GRTP1: variants seen among roughly 807,000 people sequenced by gnomAD.
The protein encoded by GRTP1 is growth hormone regulated TBC protein 1.
Under a neutral mutation model 38.1 loss-of-function variants are expected in GRTP1, and 56 were observed. The observed-to-expected ratio is 1.47, with a 90% confidence interval of 1.19 to 1.84. The LOEUF (loss-of-function observed/expected upper bound fraction) is 1.84. Ranked by LOEUF, GRTP1 falls within the 40% of genes most tolerant of loss-of-function variation. The probability of loss-of-function intolerance (pLI) is 0.00; values close to 1 mark genes in which losing one functional copy is unlikely to be tolerated. For synonymous variants in GRTP1, 217 were observed against 189.5 expected, an observed-to-expected ratio of 1.14 and a Z score of -1.19; for missense variants, 506 against 453.9, an observed-to-expected ratio of 1.11 and a Z score of -1.04.
At position 113,348,099 on chromosome 13, in the gene GRTP1, C is replaced by G. The variant is rs2043201631; in HGVS notation, c.465+2750G>C. Among the ~76,000 whole-genome samples the G allele has an allele frequency of 6.6e-6, 1 of 152,150 alleles. No individual in the cohort carries two copies. On this transcript the variant is annotated intron_variant, in intron 4 of 7. Coordinates refer to ENST00000375431, the MANE Select transcript of GRTP1 (RefSeq NM_024719.4). The surrounding 1 kb of genome is among the most constrained non-coding windows in gnomAD (Gnocchi z 4.8). ...CTTTGAGTGGACAGTGCTACTGGAC[C>G]TGGGAGAGGGCGACCATGTGGACAG...
chr13:113,328,112 C>T (rs1214735178), intron 5 of GRTP1, among the ~76,000 whole-genome samples: 2 of 152,208 alleles, frequency 1.3e-5, no homozygotes, highest in South Asian at 2.1e-4. Context: ...CAGGCTGAGG[C>T]GCAGGCACTG....
rs1180206283 is a variant in GRTP1 at position 113,363,744 on chromosome 13, T to C, written c.181+18A>G. The C allele has an allele frequency of 6.5e-7, 1 of 1,534,750 alleles. No homozygotes were observed. Among genetic ancestry groups the C allele is most frequent in the Non-Finnish European group, 8.8e-7 (1 of 1,132,472 alleles). On this transcript the variant is annotated intron_variant, in intron 2 of 7. Transcript: ENST00000375431. ...CCCACCTGCGCCCTCGGGACCCACC[T>C]GCGCCCCCGGGACCCACCTGTCCGG... is the stretch of plus-strand genomic sequence containing the variant.
chr13:113,354,872 G>A (rs2043353094), intron 3 of GRTP1, among the ~76,000 whole-genome samples: 1 of 152,162 alleles, frequency 6.6e-6, no homozygotes, highest in African/African-American at 2.4e-5. Flanking sequence ...TGAGAGCCAG[G>A]GACCCTATGG....
At chr13:113,347,471 C>T (rs76468602) in intron 4 of GRTP1, among the ~76,000 whole-genome samples, 100 of 61,122 alleles carry the variant, frequency 1.6e-3, no homozygotes, top group East Asian at 2.6e-3. Flanking sequence ...TCTCTGTGGC[C>T]GAGAGCAGAC....
intron 5 of GRTP1, among the ~76,000 whole-genome samples, chr13:113,336,432 G>A (rs184779610): frequency 2.0e-5 from 3 of 151,964 alleles, no homozygotes; most frequent in Admixed American, 6.6e-5. Flanking sequence ...AAGTGCCCTC[G>A]GTGTGCCGAG....
chr13:113,330,035 A>G (rs893347229), intron 5 of GRTP1, among the ~76,000 whole-genome samples: 12 of 149,526 alleles, frequency 8.0e-5, no homozygotes, highest in Admixed American at 1.3e-4. Flanking sequence ...ATGGAAACCC[A>G]GGTGCCTGCA....
chr13:113,355,205 C>G, intron 3 of GRTP1, 118 bp downstream of exon 3: 1 of 982,486 alleles, frequency 1.0e-6, no homozygotes. Flanking sequence ...GACGTAACTT[C>G]AAGTTAAAAG....
rs1033126207 is a variant in GRTP1, at chr13:113,343,363, G to A, written c.562+1500C>T. Among the ~76,000 whole-genome samples, 11 of 152,162 alleles carry A rather than the reference G, an allele frequency of 7.2e-5. No individual in the cohort carries two copies. The highest frequency in any genetic ancestry group is 2.7e-4 in the African/African-American group (11 of 41,438). ...TGCACTGGGTCCCTGGGCCCCAGCC[G>A]GGTCAACAGCTCTTCCCACTCCCGG... On this transcript the variant is annotated intron_variant, in intron 5 of 7. Coordinates refer to ENST00000375431, the MANE Select transcript of GRTP1 (RefSeq NM_024719.4). This position sits in a 1 kb window ranked among gnomAD's most constrained non-coding sequence, Gnocchi z 4.8.
chr13:113,332,290 ACAC>A (rs569849027), intron 5 of GRTP1, among the ~76,000 whole-genome samples: 11 of 145,974 alleles, frequency 7.5e-5, no homozygotes, highest in African/African-American at 2.1e-4. Context: ...GTGCACACAC[ACAC>A]CACACGTGCA....
intron 4 of GRTP1, 67 bp from the exon 5 acceptor site, chr13:113,345,026 T>C (rs2043080417): frequency 6.5e-7 from 1 of 1,533,434 alleles, no homozygotes; most frequent in East Asian, 2.3e-5. Flanking sequence ...TCTGCAATCA[T>C]TCGGCTACAA....
At chr13:113,347,275 CGGG>C (rs2043163977) in intron 4 of GRTP1, among the ~76,000 whole-genome samples, 1 of 54,200 alleles carries the variant, frequency 1.8e-5, no homozygotes, top group African/African-American at 1.7e-4. Flanking sequence ...AGAGCAGACC[CGGG>C]AGGACCTCTG....
At chr13:113,347,266 G>C (rs1188314732) in intron 4 of GRTP1, among the ~76,000 whole-genome samples, 4 of 51,624 alleles carry the variant, frequency 7.7e-5, no homozygotes, top group South Asian at 8.4e-4. Flanking sequence ...CTGTGGCTGA[G>C]AGCAGACCCG....
At chr13:113,324,727 CA>C in intron 7 of GRTP1, 150 bp from the exon 8 acceptor site, 1 of 1,421,502 alleles carries the variant, frequency 7.0e-7, no homozygotes, top group Admixed American at 3.0e-5. Context: ...CACAGATTGT[CA>C]CCATCTCACT....
intron 5 of GRTP1, among the ~76,000 whole-genome samples, chr13:113,330,396 G>A (rs2042845291): frequency 7.3e-6 from 1 of 136,624 alleles, no homozygotes; most frequent in African/African-American, 2.9e-5. Context: ...GGAAGCCCAG[G>A]TGTGTGCATG....
chr13:113,363,108 G>A (rs1454666607), intron 2 of GRTP1, among the ~76,000 whole-genome samples: 1 of 152,192 alleles, frequency 6.6e-6, no homozygotes, highest in Admixed American at 6.5e-5. Flanking sequence ...CGGAGGAGGG[G>A]GCCCTGCAGC....
At chr13:113,339,449 A>G (rs1364584946) in intron 5 of GRTP1, 1 of 152,192 alleles carries the variant, frequency 6.6e-6, no homozygotes, top group Non-Finnish European at 1.5e-5. Context: ...ACTGTTCTGT[A>G]TTTTGTTCTC....
intron 5 of GRTP1, among the ~76,000 whole-genome samples, chr13:113,336,180 G>A (rs1251343633): frequency 6.6e-6 from 1 of 152,112 alleles, no homozygotes; most frequent in East Asian, 1.9e-4. Flanking sequence ...TCAGACACCT[G>A]GGTTGATTCT....
chr13:113,331,946 C>T (rs1263391097), intron 5 of GRTP1, among the ~76,000 whole-genome samples: 1 of 151,038 alleles, frequency 6.6e-6, no homozygotes, highest in Non-Finnish European at 1.5e-5. Context: ...CGTGACCCAC[C>T]ATGCCTAGCC....
At position 113,343,689 on chromosome 13, in the gene GRTP1, G is replaced by A. The variant is rs529017492; in HGVS notation, c.562+1174C>T. 1.8e-4 allele frequency among the ~76,000 whole-genome samples: 27 copies of A among 152,196 alleles called. No individual in the cohort carries two copies. Among genetic ancestry groups the A allele is most frequent in the Non-Finnish European group, 3.5e-4 (24 of 68,032 alleles). Reference sequence around the variant, plus strand: ...GTCCGTGTGGTGTGGCTGTTCTGAGGACAAGCGCAGCTCAGCAGGAAACTG... The same window carrying A: ...GTCCGTGTGGTGTGGCTGTTCTGAGAACAAGCGCAGCTCAGCAGGAAACTG... On this transcript the variant is annotated intron_variant, in intron 5 of 7. Coordinates refer to ENST00000375431, the MANE Select transcript of GRTP1 (RefSeq NM_024719.4). This position sits in a 1 kb window ranked among gnomAD's most constrained non-coding sequence, Gnocchi z 4.8.
Sources: allele counts gnomAD v4.1 joint callset (sites outside exome capture counted in the v4.1 genomes callset), GRCh38; gene constraint gnomAD v4.1.1; non-coding constraint Gnocchi (gnomAD v3.1); transcripts MANE v1.5; gene names NCBI Gene and HGNC (gene_info 2026-07-23, HGNC 2026-07-21).